The following FBXL17 variants were observed in gnomAD, a reference collection of about 807,000 sequenced individuals.
The protein encoded by FBXL17 is F-box/LRR-repeat protein 17.
Under a neutral mutation model 66.2 loss-of-function variants are expected in FBXL17, and 22 were observed. The observed-to-expected ratio is 0.33, with a 90% confidence interval of 0.24 to 0.47. The LOEUF is 0.47. FBXL17 is among the 20% of genes least tolerant of loss of function. The probability of loss-of-function intolerance (pLI) is 1.00; values close to 1 mark genes in which losing one functional copy is unlikely to be tolerated. For missense variants in FBXL17, 878 were observed against 948.2 expected, an observed-to-expected ratio of 0.93 and a Z score of 0.97; for synonymous variants, 474 against 400.5, an observed-to-expected ratio of 1.18 and a Z score of -2.19.
chr5:108,208,821 A>T (rs1754241045), intron 5 of FBXL17, among the ~76,000 whole-genome samples: 1 of 152,124 alleles, frequency 6.6e-6, no homozygotes, highest in African/African-American at 2.4e-5. Context: ...TATAAATTTT[A>T]AAGTAGTTTT....
At chr5:108,277,025 C>T (rs1344908259) in intron 4 of FBXL17, among the ~76,000 whole-genome samples, 2 of 151,870 alleles carry the variant, frequency 1.3e-5, no homozygotes, top group Admixed American at 1.3e-4. Context: ...TTAAACACTA[C>T]AATTTAGATG....
intron 6 of FBXL17, among the ~76,000 whole-genome samples, chr5:108,049,607 A>G (rs1490491399): frequency 6.6e-6 from 1 of 152,164 alleles, no homozygotes; most frequent in Non-Finnish European, 1.5e-5. Context: ...TGGAAAGGAA[A>G]AACTGGTACC....
rs1754706266 is a variant in FBXL17, at chr5:108,218,450, C to T, written c.1614+5671G>A. 3.3e-5 allele frequency among the ~76,000 whole-genome samples: 5 copies of T among 152,254 alleles called. No individual in the cohort carries two copies. The South Asian group carries it at 1.0e-3, about 32-fold the overall frequency. On this transcript the variant is annotated intron_variant, in intron 5 of 8. Coordinates refer to ENST00000542267, the MANE Select transcript of FBXL17 (RefSeq NM_001163315.3). ...TCCTTTGGATACATACCCAGCAGTACTATTGCTGGCTCATATGGCAGTTTT... is the reference window on the plus strand; with the variant it reads ...TCCTTTGGATACATACCCAGCAGTATTATTGCTGGCTCATATGGCAGTTTT...
chr5:107,925,883 GACT>G (rs1232590623), intron 7 of FBXL17, among the ~76,000 whole-genome samples: 1 of 152,130 alleles, frequency 6.6e-6, no homozygotes, highest in Non-Finnish European at 1.5e-5. Context: ...TATGCAAACA[GACT>G]ACTAATACTA....
intron 4 of FBXL17, among the ~76,000 whole-genome samples, chr5:108,230,779 T>A (rs1755301506): frequency 6.7e-6 from 1 of 148,458 alleles, no homozygotes; most frequent in African/African-American, 2.5e-5. Flanking sequence ...AGAATGGACT[T>A]TGGGGACTTT....
intron 7 of FBXL17, among the ~76,000 whole-genome samples, chr5:107,906,346 A>G (rs1368047550): frequency 6.6e-6 from 1 of 152,216 alleles, no homozygotes; most frequent in Non-Finnish European, 1.5e-5. Context: ...TAAGTAAAAT[A>G]AGAGGGAAAA....
chr5:107,931,733 TAAG>T (rs1750744196), intron 7 of FBXL17, among the ~76,000 whole-genome samples: 1 of 152,136 alleles, frequency 6.6e-6, no homozygotes. Flanking sequence ...GAAATATAGG[TAAG>T]TATTTATCCA....
Position 108,335,232 on chromosome 5 carries a change from C to A in FBXL17, c.1506+13167G>T, listed in dbSNP as rs533859909. The stretch of plus-strand genomic sequence containing the variant: ...ATTTTCACTCTCCCACTCCCCCACC[C>A]CCCCCCAACACACAACAATATATGG... On this transcript the variant is annotated intron_variant, in intron 4 of 8. Coordinates refer to ENST00000542267, the MANE Select transcript of FBXL17 (RefSeq NM_001163315.3). Among the ~76,000 whole-genome samples, 14 of 147,322 alleles carry A rather than the reference C, an allele frequency of 9.5e-5. No individual in the cohort carries two copies. The South Asian group carries it at 1.8e-3, about 19-fold the overall frequency.
chr5:107,956,867 A>C (rs1265720496), intron 7 of FBXL17, among the ~76,000 whole-genome samples: 1 of 152,186 alleles, frequency 6.6e-6, no homozygotes, highest in Non-Finnish European at 1.5e-5. Flanking sequence ...CTTACTGGAC[A>C]GCTTAGGAAA....
At chr5:108,045,107 T>C (rs1747202502) in intron 6 of FBXL17, among the ~76,000 whole-genome samples, 1 of 152,138 alleles carries the variant, frequency 6.6e-6, no homozygotes, top group Non-Finnish European at 1.5e-5. Flanking sequence ...GACTTTGTTG[T>C]TTACTGTTTT....
chr5:108,167,528 T>C (rs1171896037), intron 6 of FBXL17, among the ~76,000 whole-genome samples: 1 of 152,212 alleles, frequency 6.6e-6, no homozygotes, highest in Non-Finnish European at 1.5e-5. Flanking sequence ...TTCAGTCTCC[T>C]AGCTCCCACT....
chr5:108,237,092 A>G (rs931130179), intron 4 of FBXL17, among the ~76,000 whole-genome samples: 1 of 152,212 alleles, frequency 6.6e-6, no homozygotes, highest in African/African-American at 2.4e-5. Flanking sequence ...ATATACTCCA[A>G]TCCTGAACAG....
chr5:108,252,625 T>G (rs1361925014), intron 4 of FBXL17, among the ~76,000 whole-genome samples: 1 of 152,128 alleles, frequency 6.6e-6, no homozygotes, highest in African/African-American at 2.4e-5. Context: ...AATGCACATA[T>G]GCCTAGGAAC....
chr5:108,110,531 G>A (rs1356921908), intron 6 of FBXL17, among the ~76,000 whole-genome samples: 1 of 152,108 alleles, frequency 6.6e-6, no homozygotes, highest in Non-Finnish European at 1.5e-5. Context: ...TTTGTAAACA[G>A]TTTACCATTT....
In FBXL17 at chr5:108,381,999, A is replaced by G. The variant is rs1561573049; in HGVS notation, c.-308T>C. 8.6e-7 allele frequency: 1 copy of G among 1,160,534 alleles called. No homozygotes were observed. Among genetic ancestry groups the G allele is most frequent in the Non-Finnish European group, 1.1e-6 (1 of 939,270 alleles). 71.9% of individuals were successfully genotyped at this position (1,160,534 alleles called of 1,614,324 possible). On this transcript the variant is annotated 5_prime_UTR_variant, in exon 1 of 9. Coordinates refer to ENST00000542267, the MANE Select transcript of FBXL17 (RefSeq NM_001163315.3). ...CTAGGCGACCAGTCCGGGCCCGGCC[A>G]GCCGGCTCAGTCAGTCAGCGGAGCG... is the stretch of plus-strand genomic sequence containing the variant.
At chr5:108,228,308 T>G (rs1280574076) in intron 4 of FBXL17, among the ~76,000 whole-genome samples, 1 of 152,062 alleles carries the variant, frequency 6.6e-6, no homozygotes, top group Admixed American at 6.6e-5. Flanking sequence ...AGTTAGGGAT[T>G]TGTGGCAGAA....
chr5:108,380,405 A>T (rs1475521498), intron 1 of FBXL17, among the ~76,000 whole-genome samples: 1 of 152,216 alleles, frequency 6.6e-6, no homozygotes, highest in Non-Finnish European at 1.5e-5. Context: ...TTTCCACAGA[A>T]TACCTGCGAA....
chr5:108,316,060 C>A (rs1474871380), intron 4 of FBXL17, among the ~76,000 whole-genome samples: 1 of 151,396 alleles, frequency 6.6e-6, no homozygotes, highest in Non-Finnish European at 1.5e-5. Context: ...GTAATAAAAT[C>A]TCTTTGAATG....
intron 6 of FBXL17, among the ~76,000 whole-genome samples, chr5:108,036,510 C>A (rs1746846794): frequency 6.6e-6 from 1 of 152,092 alleles, no homozygotes; most frequent in Non-Finnish European, 1.5e-5. Flanking sequence ...AGTTTGCAAC[C>A]CCTACGAATA....
Sources: gnomAD v4.1 joint callset for allele counts (sites outside exome capture counted in the v4.1 genomes callset) on GRCh38, gnomAD v4.1.1 for gene constraint, MANE v1.5 for transcripts, NCBI Gene and HGNC (gene_info 2026-07-23, HGNC 2026-07-21) for gene names.